The following PPIE variants were observed in gnomAD, a reference collection of about 807,000 sequenced individuals.
PPIE encodes the protein peptidylprolyl isomerase E, also known as peptidyl-prolyl cis-trans isomerase E.
In PPIE, 20 loss-of-function variants were observed where a neutral mutation model predicts 38.4. That is an observed-to-expected ratio of 0.52 (90% confidence interval 0.37 to 0.76). The LOEUF is 0.76. Among genes scored for constraint, PPIE ranks in the 30% least tolerant of loss-of-function variants. The pLI is 0.00. For synonymous variants in PPIE, 142 were observed against 135.7 expected (o/e 1.05, Z -0.32); for missense variants, 322 against 385.8 (o/e 0.83, Z 1.39).
rs115010671 is a variant in PPIE, at chr1:39,761,861, C to T, written c.838-1828C>T. Reference sequence around the variant, plus strand: ...TTTTGCTTTGGACAAACCAACAAACCGACAGCCTCCCCTAGAGCGCAGCGC... The same window carrying T: ...TTTTGCTTTGGACAAACCAACAAACTGACAGCCTCCCCTAGAGCGCAGCGC... On this transcript the variant is annotated intron_variant, in intron 9 of 9. Coordinates refer to the PPIE transcript ENST00000356511. 2.3e-3 allele frequency among the ~76,000 whole-genome samples: 357 copies of T among 152,336 alleles called. 1 individual carries two copies. Among genetic ancestry groups the T allele is most frequent in the African/African-American group, 7.9e-3 (330 of 41,578 alleles).
rs992362813 is a variant in PPIE, at chr1:39,754,872, C to T, written c.*1517C>T. On this transcript the variant is annotated 3_prime_UTR_variant, in exon 10 of 10. Coordinates refer to ENST00000324379, the MANE Select transcript of PPIE (RefSeq NM_006112.4). ...AGACCCTGTCTTGAAAAAAAGAAACCATCATCACAGCAACATCTAGACTAG... is the reference window on the plus strand; with the variant it reads ...AGACCCTGTCTTGAAAAAAAGAAACTATCATCACAGCAACATCTAGACTAG... 2.3e-5 allele frequency: 8 copies of T among 343,804 alleles called. No individual in the cohort carries two copies. The highest frequency in any genetic ancestry group is 3.3e-5 in the Non-Finnish European group (8 of 243,310). The allele number at this position is 343,804 out of a possible 1,614,324, so 21.3% of individuals were successfully genotyped here. A position where few individuals can be genotyped will look rare whatever the true frequency, so the allele number is the denominator to read the frequency against.
At chr1:39,743,454 T>C (rs553777105) in intron 5 of PPIE, among the ~76,000 whole-genome samples, 157 bp downstream of exon 5, 67 of 152,292 alleles carry the variant, frequency 4.4e-4, no homozygotes, top group African/African-American at 1.5e-3. Flanking sequence ...GCACCACCTT[T>C]TTAGAGAAAC....
chr1:39,746,940 G>A (rs1057280628), intron 7 of PPIE: 1 of 152,042 alleles, frequency 6.6e-6, no homozygotes, highest in Non-Finnish European at 1.5e-5. Context: ...CTTATTAAAG[G>A]TACCTATTAA....
In PPIE at chr1:39,753,863, C is replaced by T; in HGVS notation, c.*508C>T. On this transcript the variant is annotated 3_prime_UTR_variant, in exon 10 of 10. Transcript: ENST00000324379. ...TTAGATGTCAGGTGATGTATCTTCACACCAGGCATCGATGTCAGGGCAACG... is the reference window on the plus strand; with the variant it reads ...TTAGATGTCAGGTGATGTATCTTCATACCAGGCATCGATGTCAGGGCAACG... 2.0e-6 allele frequency: 2 copies of T among 986,040 alleles called. No individual in the cohort carries two copies. The highest frequency in any genetic ancestry group is 2.4e-6 in the Non-Finnish European group (2 of 830,402). 61.1% of individuals were successfully genotyped at this position (986,040 alleles called of 1,614,324 possible). A position where few individuals can be genotyped will look rare whatever the true frequency, so the allele number is the denominator to read the frequency against.
At chr1:39,762,367 G>A (rs186776608) in intron 9 of PPIE, 2 of 1,062,174 alleles carry the variant, frequency 1.9e-6, no homozygotes, top group African/African-American at 3.2e-5. Context: ...CTCCTAAGGG[G>A]AAAACATAAG....
At chr1:39,743,729 G>A in intron 5 of PPIE, 95 bp from the exon 6 acceptor site, 1 of 948,554 alleles carries the variant, frequency 1.1e-6, no homozygotes, top group South Asian at 1.5e-5. Context: ...TGGCATACAG[G>A]CCACATAGCA....
chr1:39,741,275 A>G, intron 2 of PPIE, 91 bp from the exon 3 acceptor site: 1 of 1,103,702 alleles, frequency 9.1e-7, no homozygotes. Context: ...GTGTTTGGAT[A>G]CGACATGTAA....
intron 8 of PPIE, among the ~76,000 whole-genome samples, chr1:39,750,031 G>C (rs1268882020): frequency 6.6e-6 from 1 of 152,138 alleles, no homozygotes; most frequent in Admixed American, 6.5e-5. Context: ...TGCTCGGAAG[G>C]CTGAGGCAGG....
At chr1:39,739,042 C>T in intron 1 of PPIE, 111 bp downstream of exon 1, 1 of 1,228,510 alleles carries the variant, frequency 8.1e-7, no homozygotes. Context: ...GCTGTCAAGG[C>T]CGGGTCTCTG....
chr1:39,754,171 A>G lies in PPIE; in HGVS notation c.*816A>G, dbSNP rs534960150. 4 of 739,574 alleles carry G rather than the reference A, an allele frequency of 5.4e-6. No homozygotes were observed. The highest frequency in any genetic ancestry group is 3.8e-5 in the African/African-American group (2 of 52,374). The allele number at this position is 739,574 out of a possible 1,614,324, so 45.8% of individuals were successfully genotyped here. A position where few individuals can be genotyped will look rare whatever the true frequency, so the allele number is the denominator to read the frequency against. On this transcript the variant is annotated 3_prime_UTR_variant, in exon 10 of 10. Transcript: ENST00000324379. ...GTTTTATTGGAACACAGCCACGTCC[A>G]TTTATTTACATATTGTCCATGGTGG...
rs1347746008 is a variant in PPIE, at chr1:39,740,263, GGTGA to G, written c.130+3_130+6del. ...TCAGATTCCTCTGGATTATGAAACA[GGTGA>G]GTTAGTGTCTCTCACGTTCAGAATC... On this transcript the variant is annotated splice_donor_variant and splice_donor_region_variant and intron_variant, in intron 2 of 9. Coordinates refer to ENST00000324379, the MANE Select transcript of PPIE (RefSeq NM_006112.4). LOFTEE classifies it high-confidence loss of function. 1 of 1,610,990 alleles carries G rather than the reference GGTGA, an allele frequency of 6.2e-7. No homozygotes were observed. Among genetic ancestry groups the G allele is most frequent in the African/African-American group, 1.3e-5 (1 of 74,862 alleles).
rs762443416 is a variant in PPIE at position 39,743,962 on chromosome 1, C to T, written c.384+38C>T. Reference sequence around the variant, plus strand: ...CTCCTGCTTCCAGAGCACAGGCCGGCGCTGTCCACAGGAGACTTTTTTTTT... The same window carrying T: ...CTCCTGCTTCCAGAGCACAGGCCGGTGCTGTCCACAGGAGACTTTTTTTTT... On this transcript the variant is annotated intron_variant, in intron 6 of 9. Coordinates refer to ENST00000324379, the MANE Select transcript of PPIE (RefSeq NM_006112.4). The T allele has an allele frequency of 2.9e-5, 43 of 1,485,976 alleles. No individual in the cohort carries two copies. In the Admixed American group the frequency reaches 4.8e-4, roughly 17 times the overall value. 92.0% of individuals were successfully genotyped at this position (1,485,976 alleles called of 1,614,324 possible). A position where few individuals can be genotyped will look rare whatever the true frequency, so the allele number is the denominator to read the frequency against.
At position 39,756,555 on chromosome 1, in the gene PPIE, C is replaced by T. The variant is rs1648293351; in HGVS notation, c.*3200C>T. 18 of 985,260 alleles carry T rather than the reference C, an allele frequency of 1.8e-5. No individual in the cohort carries two copies. Among genetic ancestry groups the T allele is most frequent in the Non-Finnish European group, 1.9e-5 (16 of 829,926 alleles). 61.0% of individuals were successfully genotyped at this position (985,260 alleles called of 1,614,324 possible). A position where few individuals can be genotyped will look rare whatever the true frequency, so the allele number is the denominator to read the frequency against. On this transcript the variant is annotated 3_prime_UTR_variant, in exon 10 of 10. Transcript: ENST00000324379. ...GCAGTCATGGCAGCCTCACGGCAAC[C>T]TCTGAAGAAGGAATTATAGAACCAA... is the stretch of plus-strand genomic sequence containing the variant.
downstream of PPIE, chr1:39,761,424 A>AACCCCCCCCC (rs1648958063): frequency 8.8e-6 from 1 of 113,144 alleles, no homozygotes; most frequent in African/African-American, 3.4e-5. Flanking sequence ...TTCCACCACC[A>AACCCCCCCCC]CCCCCACCCC....
downstream of PPIE, chr1:39,757,642 AAAC>A (rs1177028897): frequency 6.6e-6 from 1 of 152,246 alleles, no homozygotes; most frequent in African/African-American, 2.4e-5. Flanking sequence ...AGTAGATCTG[AAAC>A]AACCACCACC....
At chr1:39,742,990 CAG>C in intron 4 of PPIE, 1 of 456,020 alleles carries the variant, frequency 2.2e-6, no homozygotes, top group Non-Finnish European at 3.9e-6. Flanking sequence ...GTTCTGAACC[CAG>C]AGTTACTTTT....
intron 8 of PPIE, among the ~76,000 whole-genome samples, chr1:39,749,513 A>G (rs902187019): frequency 1.3e-5 from 2 of 152,116 alleles, no homozygotes; most frequent in Admixed American, 1.3e-4. Flanking sequence ...CAACCTGACC[A>G]GATTTCCCTA....
In PPIE at chr1:39,753,571, C is replaced by T. The variant is rs1449733329; in HGVS notation, c.*216C>T. ...GTGGGCCCAGGAGCCAGCTCAGGTG[C>T]TCCCCTCCACCATGGGCAGGCTGTG... On this transcript the variant is annotated 3_prime_UTR_variant, in exon 10 of 10. Coordinates refer to ENST00000324379, the MANE Select transcript of PPIE (RefSeq NM_006112.4). 2.9e-6 allele frequency: 4 copies of T among 1,382,430 alleles called. No individual in the cohort carries two copies. The highest frequency in any genetic ancestry group is 3.7e-6 in the Non-Finnish European group (4 of 1,073,830). The allele number at this position is 1,382,430 out of a possible 1,614,324, so 85.6% of individuals were successfully genotyped here.
At chr1:39,751,656 A>G (rs547942887) in intron 8 of PPIE, among the ~76,000 whole-genome samples, 74 of 152,274 alleles carry the variant, frequency 4.9e-4, no homozygotes, top group Non-Finnish European at 1.0e-3. Flanking sequence ...CACTGCGCCC[A>G]GCCTCTAGCA....
Sources: allele counts gnomAD v4.1 joint callset (sites outside exome capture counted in the v4.1 genomes callset), GRCh38; gene constraint gnomAD v4.1.1; transcripts MANE v1.5; gene names NCBI Gene and HGNC (gene_info 2026-07-23, HGNC 2026-07-21).